Variants in ANXA13 observed in about 807,000 individuals in gnomAD.
ANXA13 encodes annexin XIII.
Under a neutral mutation model 46.6 loss-of-function variants are expected in ANXA13, and 36 were observed. The ratio of observed to expected loss-of-function variants is 0.77; its 90% CI spans 0.59 to 1.02. ANXA13 has a LOEUF of 1.02. ANXA13 is among the 50% of genes least tolerant of loss of function. ANXA13 has a pLI of 0.00. For missense variants in ANXA13, 417 were observed against 396.5 expected, an observed-to-expected ratio of 1.05 and a Z score of -0.44; for synonymous variants, 163 against 152.9, an observed-to-expected ratio of 1.07 and a Z score of -0.49.
chr8:123,698,114 G>A (rs1813376737), intron 4 of ANXA13, among the ~76,000 whole-genome samples: 1 of 152,212 alleles, frequency 6.6e-6, no homozygotes, highest in African/African-American at 2.4e-5. Context: ...GTAGAATTGT[G>A]CCTCCTGCTT....
chr8:123,707,750 C>T (rs536240407), intron 2 of ANXA13, among the ~76,000 whole-genome samples: 26 of 152,040 alleles, frequency 1.7e-4, no homozygotes, highest in East Asian at 1.2e-3. Context: ...ATGTAGATAA[C>T]GGGTTGATGG....
intron 2 of ANXA13, among the ~76,000 whole-genome samples, chr8:123,706,461 C>A (rs1428237435): frequency 2.0e-5 from 3 of 152,208 alleles, no homozygotes; most frequent in Non-Finnish European, 4.4e-5. Context: ...AGCCAGGAAG[C>A]TGGGGCTCAG....
intron 2 of ANXA13, among the ~76,000 whole-genome samples, chr8:123,707,278 G>A (rs764580772): frequency 2.0e-5 from 3 of 152,190 alleles, no homozygotes; most frequent in Non-Finnish European, 2.9e-5. Context: ...TAAGTTGTAT[G>A]TGATATTCAG....
At chr8:123,682,842 T>C (rs997836180) in intron 10 of ANXA13, among the ~76,000 whole-genome samples, 3 of 152,130 alleles carry the variant, frequency 2.0e-5, no homozygotes, top group Admixed American at 2.0e-4. Flanking sequence ...ACTGCCCACA[T>C]GTTGAGATGG....
intron 1 of ANXA13, chr8:123,735,721 T>C (rs747899164): frequency 6.3e-6 from 10 of 1,593,070 alleles, no homozygotes; most frequent in Non-Finnish European, 8.5e-6. Context: ...GCAGGGGTCA[T>C]ACCTATGATT....
chr8:123,728,808 T>A (rs938741079), intron 1 of ANXA13: 5 of 151,946 alleles, frequency 3.3e-5, no homozygotes, highest in Admixed American at 6.6e-5. Flanking sequence ...TCCAAAAAAA[T>A]TAATTCTTTT....
chr8:123,682,546 A>G (rs1813058427), intron 10 of ANXA13, among the ~76,000 whole-genome samples: 1 of 152,216 alleles, frequency 6.6e-6, no homozygotes, highest in Admixed American at 6.5e-5. Flanking sequence ...GAGCTGAGAC[A>G]GTGAGAGAAA....
At chr8:123,722,038 C>T (rs751727659) in intron 1 of ANXA13, among the ~76,000 whole-genome samples, 15 of 152,134 alleles carry the variant, frequency 9.9e-5, no homozygotes, top group Non-Finnish European at 1.8e-4. Context: ...GGTAGGGTGG[C>T]TCATGCCAGT....
Position 123,706,124 on chromosome 8 carries a change from C to T in ANXA13, c.92-3388G>A, listed in dbSNP as rs569510082. On this transcript the variant is annotated intron_variant, in intron 2 of 10. Coordinates refer to ENST00000419625, the MANE Select transcript of ANXA13 (RefSeq NM_004306.4). ...TTGCAAAAATAGCAGGAGTGAGTTGCCTGCCTGGTGCTGGCTTGGTTTCAA... is the reference window on the plus strand; with the variant it reads ...TTGCAAAAATAGCAGGAGTGAGTTGTCTGCCTGGTGCTGGCTTGGTTTCAA... 2.6e-5 allele frequency among the ~76,000 whole-genome samples: 4 copies of T among 152,298 alleles called. No individual in the cohort carries two copies. The South Asian group carries it at 8.3e-4, about 32-fold the overall frequency.
intron 8 of ANXA13, among the ~76,000 whole-genome samples, chr8:123,692,004 G>T (rs1309979380): frequency 1.3e-5 from 2 of 152,212 alleles, no homozygotes; most frequent in African/African-American, 2.4e-5. Context: ...AGAGACCAGG[G>T]GAGTGCAGGG....
chr8:123,733,491 G>T (rs1027666814), intron 1 of ANXA13, among the ~76,000 whole-genome samples: 49 of 152,118 alleles, frequency 3.2e-4, no homozygotes, highest in Non-Finnish European at 5.9e-5. Context: ...CACCTTGCCT[G>T]GTGTTCACCT....
At chr8:123,710,359 G>A (rs535834206) in intron 2 of ANXA13, among the ~76,000 whole-genome samples, 1 of 152,364 alleles carries the variant, frequency 6.6e-6, no homozygotes, top group Admixed American at 6.5e-5. Flanking sequence ...GGTGAAGGGA[G>A]GAAGGGGCTG....
At chr8:123,720,446 G>A (rs1813842799) in intron 1 of ANXA13, among the ~76,000 whole-genome samples, 1 of 152,120 alleles carries the variant, frequency 6.6e-6, no homozygotes, top group South Asian at 2.1e-4. Flanking sequence ...GCCAATATTG[G>A]TGATTCTGAT....
At chr8:123,735,961 A>G in intron 1 of ANXA13, 1 of 1,449,502 alleles carries the variant, frequency 6.9e-7, no homozygotes, top group East Asian at 2.4e-5. Context: ...AAAAGACAAA[A>G]TTATCCTCCT....
Position 123,707,484 on chromosome 8 carries a change from G to T in ANXA13, c.92-4748C>A, listed in dbSNP as rs531551542. 2.3e-4 allele frequency among the ~76,000 whole-genome samples: 35 copies of T among 152,232 alleles called. 1 individual carries two copies. The South Asian group carries it at 7.3e-3, about 32-fold the overall frequency. ...TGATAGACTGGATAAAGAAAATGTG[G>T]CACATATACACCATGGAATACTATG... On this transcript the variant is annotated intron_variant, in intron 2 of 10. Transcript: ENST00000419625.
intron 2 of ANXA13, chr8:123,711,958 T>C: frequency 6.5e-6 from 1 of 152,946 alleles, no homozygotes; most frequent in Non-Finnish European, 1.5e-5. Context: ...CCGGCTCTCA[T>C]CAGACTCAAT....
chr8:123,681,442 C>A (rs1268484587), intron 10 of ANXA13, 83 bp from the exon 11 acceptor site: 124 of 1,367,104 alleles, frequency 9.1e-5, no homozygotes, highest in Non-Finnish European at 1.2e-4. Flanking sequence ...ACATGTTATA[C>A]TCATTTGCTC....
At chr8:123,727,892 G>A (rs1586341175) in intron 1 of ANXA13, 1 of 152,284 alleles carries the variant, frequency 6.6e-6, no homozygotes. Flanking sequence ...GGACCATGAT[G>A]TCTTACATTC....
intron 10 of ANXA13, among the ~76,000 whole-genome samples, chr8:123,682,305 T>C (rs1300900772): frequency 6.6e-6 from 1 of 152,210 alleles, no homozygotes; most frequent in Non-Finnish European, 1.5e-5. Context: ...AATCCAAAGA[T>C]TGCTCTGCCA....
Sources: gnomAD v4.1 joint callset for allele counts (sites outside exome capture counted in the v4.1 genomes callset) on GRCh38, gnomAD v4.1.1 for gene constraint, MANE v1.5 for transcripts, NCBI Gene and HGNC (gene_info 2026-07-23, HGNC 2026-07-21) for gene names.